The following NCAPG variants were observed in gnomAD, a reference collection of about 807,000 sequenced individuals.
NCAPG encodes the protein non-SMC condensin I complex subunit G.
In NCAPG, 69 loss-of-function variants were observed where a neutral mutation model predicts 113.1. The ratio of observed to expected loss-of-function variants is 0.61; its 90% CI spans 0.50 to 0.75. The LOEUF (loss-of-function observed/expected upper bound fraction) is 0.75, where lower values mean the gene tolerates loss of function less well. NCAPG is among the 30% of genes least tolerant of loss of function. NCAPG has a pLI of 0.00. For missense variants in NCAPG, 1,058 were observed against 1,177.0 expected (o/e 0.90, Z 1.48); for synonymous variants, 370 against 415.8 (o/e 0.89, Z 1.34).
chr4:17,812,840 G>T, intron 2 of NCAPG, 77 bp from the exon 3 acceptor site: 1 of 1,223,134 alleles, frequency 8.2e-7, no homozygotes, highest in South Asian at 1.3e-5. Context: ...CATTCCGAAT[G>T]TATAGAGTTC....
At chr4:17,826,206 A>G (rs1339088832) in intron 11 of NCAPG, among the ~76,000 whole-genome samples, 2 of 152,160 alleles carry the variant, frequency 1.3e-5, no homozygotes, top group African/African-American at 2.4e-5. Flanking sequence ...ACAAATGATA[A>G]ATATGTAAAC....
chr4:17,817,561 A>G, intron 6 of NCAPG, 108 bp downstream of exon 6: 2 of 850,266 alleles, frequency 2.4e-6, no homozygotes, highest in South Asian at 3.9e-5. Flanking sequence ...TTTAATCTTA[A>G]CTCTCTTTTG....
intron 3 of NCAPG, among the ~76,000 whole-genome samples, chr4:17,814,351 ATC>A (rs1264987914): frequency 1.3e-5 from 2 of 152,184 alleles, no homozygotes; most frequent in East Asian, 3.8e-4. Flanking sequence ...CAGGCCTGTA[ATC>A]TCAGCACTTT....
At chr4:17,828,875 CA>C (rs1721760170) in intron 12 of NCAPG, among the ~76,000 whole-genome samples, 1 of 150,966 alleles carries the variant, frequency 6.6e-6, no homozygotes, top group South Asian at 2.1e-4. Context: ...GAATATAGTG[CA>C]AACCATATGT....
intron 7 of NCAPG, among the ~76,000 whole-genome samples, chr4:17,819,930 C>G (rs893961616): frequency 4.6e-5 from 7 of 152,070 alleles, no homozygotes; most frequent in Admixed American, 3.3e-4. Context: ...CATGAAGAAC[C>G]TGTGTGAATC....
At chr4:17,825,589 C>A in intron 11 of NCAPG, 28 bp downstream of exon 11, 1 of 1,540,982 alleles carries the variant, frequency 6.5e-7, no homozygotes. Context: ...CATACTAAAT[C>A]TCAGGTGTTA....
chr4:17,834,222 A>G lies in NCAPG; in HGVS notation c.1885-77A>G. 8.7e-6 allele frequency: 8 copies of G among 917,472 alleles called. No homozygotes were observed. In the South Asian group the frequency reaches 1.5e-4, roughly 17 times the overall value. The allele number at this position is 917,472 out of a possible 1,614,324, so 56.8% of individuals were successfully genotyped here. A position where few individuals can be genotyped will look rare whatever the true frequency, so the allele number is the denominator to read the frequency against. ...AATTTGACTAAGAAAAAAACAAGAT[A>G]CATATTAATTTTATGTAAACAGAAA... On this transcript the variant is annotated intron_variant, in intron 13 of 20. Coordinates refer to ENST00000251496, the MANE Select transcript of NCAPG (RefSeq NM_022346.5).
intron 7 of NCAPG, among the ~76,000 whole-genome samples, chr4:17,821,044 G>A (rs143421636): frequency 1.4e-4 from 21 of 152,126 alleles, no homozygotes; most frequent in African/African-American, 4.1e-4. Flanking sequence ...AACTAAAATT[G>A]GTGGGTCAGT....
chr4:17,821,524 C>T (rs1401498392), intron 7 of NCAPG, among the ~76,000 whole-genome samples: 5 of 140,040 alleles, frequency 3.6e-5, no homozygotes, highest in African/African-American at 1.3e-4. Context: ...AGTGCAGTAG[C>T]GTGATCTTGG....
intron 13 of NCAPG, among the ~76,000 whole-genome samples, chr4:17,832,785 T>C (rs2109059945): frequency 6.6e-6 from 1 of 152,110 alleles, no homozygotes; most frequent in African/African-American, 2.4e-5. Flanking sequence ...GAGGAACCAG[T>C]AGGGGCTAAG....
At chr4:17,828,516 AATATAT>A (rs59571753) in intron 12 of NCAPG, 128 bp downstream of exon 12, 2 of 467,964 alleles carry the variant, frequency 4.3e-6, no homozygotes, top group African/African-American at 2.0e-5. Flanking sequence ...TAAATGATAA[AATATAT>A]ATATATAGCA....
chr4:17,825,152 C>A lies in NCAPG; in HGVS notation c.1473+95C>A, dbSNP rs549983620. ...CTGTGCAGTTCTGAAATGTTTCTCACATAATCAAATTATTGTTTAATTGTT... is the reference window on the plus strand; with the variant it reads ...CTGTGCAGTTCTGAAATGTTTCTCAAATAATCAAATTATTGTTTAATTGTT... On this transcript the variant is annotated intron_variant, in intron 10 of 20. Coordinates refer to ENST00000251496, the MANE Select transcript of NCAPG (RefSeq NM_022346.5). 4 of 925,948 alleles carry A rather than the reference C, an allele frequency of 4.3e-6. No individual in the cohort carries two copies. In the African/African-American group the frequency reaches 5.1e-5, roughly 12 times the overall value. The allele number at this position is 925,948 out of a possible 1,614,324, so 57.4% of individuals were successfully genotyped here.
chr4:17,817,294 T>C lies in NCAPG; in HGVS notation c.809T>C (p.Leu270Pro). Residue 270 changes from leucine (L) to proline (P), a missense_variant, in exon 6 of 21, where the codon CTT (leucine) becomes CCT (proline). Transcript: ENST00000251496. ...AAACAAGCTATGCAGAAGCATCTTC[T>C]TCAAGGCTGGTTACGGTTCTCTGAA... Reference protein sequence around the residue: ...AVKQAMQKHLLQGWLRFSEGN... With the variant: ...AVKQAMQKHLPQGWLRFSEGN... 6.2e-7 allele frequency: 1 copy of C among 1,614,128 alleles called. No homozygotes were observed. Among genetic ancestry groups the C allele is most frequent in the Non-Finnish European group, 8.5e-7 (1 of 1,179,994 alleles).
At chr4:17,815,134 T>C in intron 4 of NCAPG, 136 bp downstream of exon 4, 2 of 1,291,668 alleles carry the variant, frequency 1.5e-6, no homozygotes, top group Non-Finnish European at 2.2e-6. Flanking sequence ...GTAATTTAGG[T>C]AGAATCTTAC....
At chr4:17,837,046 A>G (rs1013608764) in intron 14 of NCAPG, 113 bp from the exon 15 acceptor site, 2 of 838,818 alleles carry the variant, frequency 2.4e-6, no homozygotes, top group African/African-American at 3.5e-5. Flanking sequence ...AATTTGTAAT[A>G]ACTCGAATGG....
chr4:17,817,116 A>AATAT, intron 5 of NCAPG, 145 bp from the exon 6 acceptor site: 1 of 573,472 alleles, frequency 1.7e-6, no homozygotes, highest in Non-Finnish European at 3.0e-6. Context: ...TGTCTCAAAA[A>AATAT]ATATATATAT....
intron 16 of NCAPG, among the ~76,000 whole-genome samples, 162 bp downstream of exon 16, chr4:17,837,963 AATC>A (rs1327387661): frequency 2.6e-5 from 4 of 152,352 alleles, no homozygotes; most frequent in South Asian, 4.1e-4. Context: ...AATGTGGAGA[AATC>A]ATATGAAAAC....
At chr4:17,819,441 C>T (rs547062429) in intron 7 of NCAPG, among the ~76,000 whole-genome samples, 4 of 149,982 alleles carry the variant, frequency 2.7e-5, no homozygotes, top group Non-Finnish European at 3.0e-5. Flanking sequence ...CTTGCTCTGT[C>T]GCCAGGCTGG....
In NCAPG at chr4:17,817,886, T is replaced by C; in HGVS notation, c.969-53T>C. 2.0e-6 allele frequency: 3 copies of C among 1,520,832 alleles called. No homozygotes were observed. In the African/African-American group the frequency reaches 4.2e-5, roughly 21 times the overall value. The allele number at this position is 1,520,832 out of a possible 1,614,324, so 94.2% of individuals were successfully genotyped here. On this transcript the variant is annotated intron_variant, in intron 6 of 20. Coordinates refer to ENST00000251496, the MANE Select transcript of NCAPG (RefSeq NM_022346.5). ...TATTCTCATTTTTGTACTCTTCAAT[T>C]CTTAATGATAAAAAGATCATGCTTT...
Sources: allele counts gnomAD v4.1 joint callset (sites outside exome capture counted in the v4.1 genomes callset), GRCh38; gene constraint gnomAD v4.1.1; transcripts MANE v1.5; gene names NCBI Gene and HGNC (gene_info 2026-07-23, HGNC 2026-07-21).